MELK: variants seen among roughly 807,000 people sequenced by gnomAD.
MELK encodes the protein maternal embryonic leucine zipper kinase.
In MELK, 81 loss-of-function variants were observed where a neutral mutation model predicts 85.0. The ratio of observed to expected loss-of-function variants is 0.95; its 90% CI spans 0.80 to 1.15. The LOEUF is 1.15. MELK is among the 50% of genes most tolerant of loss of function. MELK has a pLI of 0.00. For missense variants in MELK, 754 were observed against 777.5 expected (o/e 0.97, Z 0.36); for synonymous variants, 252 against 265.0 (o/e 0.95, Z 0.48).
rs1833409697 is a variant in MELK at position 36,677,045 on chromosome 9, A to G, written c.1779-115A>G. ...ATTTGGAAACTGTAAACAGTAATAC[A>G]TTGCTTAATATGAAATAATGGTTCA... On this transcript the variant is annotated intron_variant, in intron 17 of 17. Transcript: ENST00000298048. 4 of 880,278 alleles carry G rather than the reference A, an allele frequency of 4.5e-6. No individual in the cohort carries two copies. In the Admixed American group the frequency reaches 7.7e-5, roughly 17 times the overall value. The allele number at this position is 880,278 out of a possible 1,614,324, so 54.5% of individuals were successfully genotyped here.
At chr9:36,636,786 G>GTCTTTCTT (rs1224635956) in intron 10 of MELK, among the ~76,000 whole-genome samples, 1 of 50,646 alleles carries the variant, frequency 2.0e-5, no homozygotes, top group African/African-American at 4.9e-5. Context: ...CTTTCTTTCT[G>GTCTTTCTT]TCTGTCTTTC....
chr9:36,607,515 A>G (rs1399030799), intron 7 of MELK, 60 bp from the exon 8 acceptor site: 5 of 1,250,834 alleles, frequency 4.0e-6, no homozygotes, highest in Non-Finnish European at 5.9e-6. Flanking sequence ...GAGTCCTACC[A>G]TTCTGAAATA....
chr9:36,640,735 C>G (rs564494556), intron 10 of MELK, among the ~76,000 whole-genome samples: 1 of 152,248 alleles, frequency 6.6e-6, no homozygotes, highest in Non-Finnish European at 1.5e-5. Flanking sequence ...CAGGCATGAG[C>G]CATTGTACTT....
At chr9:36,639,935 C>T (rs1829606581) in intron 10 of MELK, among the ~76,000 whole-genome samples, 1 of 152,144 alleles carries the variant, frequency 6.6e-6, no homozygotes, top group African/African-American at 2.4e-5. Flanking sequence ...TTGACATCAA[C>T]AAGAGGATAC....
At chr9:36,595,474 C>A (rs1032742123) in intron 5 of MELK, among the ~76,000 whole-genome samples, 2 of 151,946 alleles carry the variant, frequency 1.3e-5, no homozygotes, top group African/African-American at 2.4e-5. Flanking sequence ...TCAAGCTATT[C>A]TTTCGCCCTG....
intron 13 of MELK, among the ~76,000 whole-genome samples, chr9:36,659,063 A>G (rs1038278872): frequency 2.0e-5 from 3 of 151,912 alleles, no homozygotes; most frequent in Non-Finnish European, 4.4e-5. Context: ...TTGTATTTTT[A>G]GTAGAGATGG....
At chr9:36,613,211 G>A (rs767753238) in intron 8 of MELK, among the ~76,000 whole-genome samples, 7 of 152,144 alleles carry the variant, frequency 4.6e-5, no homozygotes, top group Non-Finnish European at 1.0e-4. Context: ...GTTTTCTCCC[G>A]GAGAGATGCT....
chr9:36,636,231 C>T lies in MELK; in HGVS notation c.834+3031C>T, dbSNP rs544197280. On this transcript the variant is annotated intron_variant, in intron 10 of 17. Transcript: ENST00000298048. Reference sequence around the variant, plus strand: ...CTTAAAACAATAATTTGGCTGGGCACGGTGGCTCACGCCTGTAATCCTAGC... The same window carrying T: ...CTTAAAACAATAATTTGGCTGGGCATGGTGGCTCACGCCTGTAATCCTAGC... 4.2e-4 allele frequency among the ~76,000 whole-genome samples: 64 copies of T among 151,886 alleles called. No individual in the cohort carries two copies. The Middle Eastern group carries it at 0.01, about 24-fold the overall frequency.
At chr9:36,591,867 A>G (rs1352308197) in intron 4 of MELK, among the ~76,000 whole-genome samples, 1 of 152,114 alleles carries the variant, frequency 6.6e-6, no homozygotes, top group Non-Finnish European at 1.5e-5. Flanking sequence ...TATAGGCTAC[A>G]GTGAGCTATG....
intron 7 of MELK, among the ~76,000 whole-genome samples, chr9:36,606,412 GTA>G (rs1226311158): frequency 2.3e-5 from 2 of 85,310 alleles, no homozygotes; most frequent in Non-Finnish European, 4.0e-5. Context: ...ATAGGTGTGT[GTA>G]TATATATACA....
rs1824391283 is a variant in MELK, at chr9:36,597,278, T to C, written c.462T>C (p.Cys154=). Residue 154 remains cysteine, a synonymous_variant, in exon 6 of 18, where the codon TGT becomes TGC. Coordinates refer to ENST00000298048, the MANE Select transcript of MELK (RefSeq NM_014791.4). ...TAAAGCTGATTGACTTTGGTCTCTG[T>C]GCAAAACCCAAGGTAAGTGCAGAAA... ...HKLKLIDFGL[C]AKPKGNKDYH... is the part of the protein sequence containing the mutation. 1.2e-6 allele frequency: 2 copies of C among 1,613,188 alleles called. No homozygotes were observed. Among genetic ancestry groups the C allele is most frequent in the Admixed American group, 1.7e-5 (1 of 59,980 alleles).
intron 1 of MELK, among the ~76,000 whole-genome samples, chr9:36,578,094 G>A (rs1821832387): frequency 6.6e-6 from 1 of 152,084 alleles, no homozygotes; most frequent in South Asian, 2.1e-4. Context: ...CTATCTTTAC[G>A]CTTCTTCCTT....
At chr9:36,575,560 G>A (rs1057199142) in intron 1 of MELK, among the ~76,000 whole-genome samples, 2 of 151,872 alleles carry the variant, frequency 1.3e-5, no homozygotes, top group African/African-American at 4.8e-5. Flanking sequence ...CCAAAGACAT[G>A]ATGTAATTTG....
intron 6 of MELK, 117 bp downstream of exon 6, chr9:36,597,407 G>T (rs866778662): frequency 1.1e-6 from 1 of 920,418 alleles, no homozygotes; most frequent in Middle Eastern, 3.2e-4. Context: ...CCATTGAGAA[G>T]AATGTTAAAT....
intron 11 of MELK, among the ~76,000 whole-genome samples, chr9:36,649,487 T>C (rs1564204552): frequency 6.8e-6 from 1 of 146,358 alleles, no homozygotes; most frequent in Admixed American, 6.8e-5. Context: ...GTAGAACAGC[T>C]AGGCACGGTG....
chr9:36,672,307 T>C (rs946402495), intron 16 of MELK, among the ~76,000 whole-genome samples: 1 of 152,168 alleles, frequency 6.6e-6, no homozygotes, highest in African/African-American at 2.4e-5. Flanking sequence ...TAGTTAAGTA[T>C]TTCAAGCACC....
chr9:36,626,026 G>T (rs1827894226), intron 8 of MELK, among the ~76,000 whole-genome samples: 1 of 152,148 alleles, frequency 6.6e-6, no homozygotes, highest in Non-Finnish European at 1.5e-5. Flanking sequence ...ACTGAATAAG[G>T]GTTCTAGGTT....
At chr9:36,649,566 C>T (rs1420257386) in intron 11 of MELK, among the ~76,000 whole-genome samples, 6 of 151,884 alleles carry the variant, frequency 4.0e-5, no homozygotes, top group African/African-American at 7.2e-5. Context: ...ACCAGGAGTT[C>T]GAGACCAGCC....
At chr9:36,621,454 C>G (rs935423199) in intron 8 of MELK, among the ~76,000 whole-genome samples, 2 of 152,048 alleles carry the variant, frequency 1.3e-5, no homozygotes, top group Non-Finnish European at 2.9e-5. Flanking sequence ...ACCTACCACA[C>G]CCAGCTAATT....
Sources: gnomAD v4.1 joint callset for allele counts (sites outside exome capture counted in the v4.1 genomes callset) on GRCh38, gnomAD v4.1.1 for gene constraint, MANE v1.5 for transcripts, NCBI Gene and HGNC (gene_info 2026-07-23, HGNC 2026-07-21) for gene names.